The following TJP2 variants were observed in gnomAD, a reference collection of about 807,000 sequenced individuals.
TJP2 encodes the protein tight junction protein 2, also known as Friedreich ataxia region gene X104 (tight junction protein ZO-2).
In TJP2, 91 loss-of-function variants were observed where a neutral mutation model predicts 133.1. That is an observed-to-expected ratio of 0.68 (90% CI 0.58 to 0.81). TJP2 has a LOEUF of 0.81. Among genes scored for constraint, TJP2 ranks in the 40% least tolerant of loss-of-function variants. TJP2 has a pLI of 0.00. For synonymous variants in TJP2, 592 were observed against 583.4 expected, an observed-to-expected ratio of 1.01 and a Z score of -0.21; for missense variants, 1,541 against 1,565.6, an observed-to-expected ratio of 0.98 and a Z score of 0.26.
At chr9:69,218,395 G>A (rs1456237204) in intron 4 of TJP2, 36 bp downstream of exon 4, 1 of 1,577,130 alleles carries the variant, frequency 6.3e-7, no homozygotes, top group Middle Eastern at 1.7e-4. Context: ...TGCCTTAATA[G>A]CATTTTGGTT....
At chr9:69,142,374 C>G (rs992831396) in intron 1 of TJP2, among the ~76,000 whole-genome samples, 1 of 152,150 alleles carries the variant, frequency 6.6e-6, no homozygotes. Context: ...TTTGGTAATT[C>G]TTTTACATCA....
intron 5 of TJP2, among the ~76,000 whole-genome samples, chr9:69,223,836 T>C (rs1232751141): frequency 6.6e-6 from 1 of 152,250 alleles, no homozygotes; most frequent in Non-Finnish European, 1.5e-5. Context: ...TGTGGTAAGA[T>C]CTGGCTGACA....
At position 69,208,714 on chromosome 9, in the gene TJP2, T is replaced by G. The variant is rs74963011; in HGVS notation, c.61-3834T>G. On this transcript the variant is annotated intron_variant, in intron 1 of 22. Coordinates refer to ENST00000377245, the MANE Select transcript of TJP2 (RefSeq NM_004817.4). ...ACAGCTCCTTGGGATATTCAACATTTTTTTGGTATGTAGCATTGCCCAATC... is the reference window on the plus strand; with the variant it reads ...ACAGCTCCTTGGGATATTCAACATTGTTTTGGTATGTAGCATTGCCCAATC... 9.7e-3 allele frequency among the ~76,000 whole-genome samples: 1,485 copies of G among 152,316 alleles called. 13 individuals are homozygous for G. The highest frequency in any genetic ancestry group is 0.034 in the African/African-American group (1,406 of 41,564).
chr9:69,156,919 A>T (rs545361017), intron 2 of TJP2, among the ~76,000 whole-genome samples: 74 of 152,088 alleles, frequency 4.9e-4, no homozygotes, highest in Non-Finnish European at 3.7e-4. Flanking sequence ...CTCTAGGGGT[A>T]CCTAGGGGCT....
upstream of TJP2, among the ~76,000 whole-genome samples, chr9:69,171,159 T>C (rs958203841): frequency 2.6e-5 from 4 of 152,324 alleles, no homozygotes; most frequent in Non-Finnish European, 5.9e-5. Context: ...TCATCTCCTT[T>C]AAGTAAGCCA....
At chr9:69,136,532 A>T (rs1455066848) in intron 1 of TJP2, among the ~76,000 whole-genome samples, 1 of 152,344 alleles carries the variant, frequency 6.6e-6, no homozygotes, top group Non-Finnish European at 1.5e-5. Context: ...TATGTAAAAA[A>T]GTTTTTTTTT....
chr9:69,150,381 C>T (rs1018290462), intron 1 of TJP2, among the ~76,000 whole-genome samples: 4 of 150,808 alleles, frequency 2.7e-5, no homozygotes, highest in African/African-American at 9.8e-5. Context: ...GCAACCTCTG[C>T]CTCCTGGGTT....
rs577034303 is a variant in TJP2, at chr9:69,128,285, G to T, written c.-131+6560G>T. Among the ~76,000 whole-genome samples, 2 of 75,690 alleles carry T rather than the reference G, an allele frequency of 2.6e-5. 1 individual carries two copies. Among genetic ancestry groups the T allele is most frequent in the African/African-American group, 8.1e-5 (2 of 24,780 alleles). The allele number at this position is 75,690 out of a possible 152,430, so 49.7% of individuals were successfully genotyped here. Reference sequence around the variant, plus strand: ...CATACCTAGAAGTGGAAAATATATGGTAACTCCATATTTAATATTTTCAGG... The same window carrying T: ...CATACCTAGAAGTGGAAAATATATGTTAACTCCATATTTAATATTTTCAGG... On this transcript the variant is annotated intron_variant, in intron 1 of 5. Transcript: ENST00000423935.
rs113097850 is a variant in TJP2 at position 69,137,245 on chromosome 9, C to T, written c.-130-14406C>T. The stretch of plus-strand genomic sequence containing the variant: ...TCTTTCCTTCTTTCTTTCTTTCTCT[C>T]TCTCTTTCTTTCTTTCTTTCTTTCT... On this transcript the variant is annotated intron_variant, in intron 1 of 5. Coordinates refer to the TJP2 transcript ENST00000423935. Among the ~76,000 whole-genome samples, 103 of 30,614 alleles carry T rather than the reference C, an allele frequency of 3.4e-3. No homozygotes were observed. The South Asian group carries it at 0.11, about 32-fold the overall frequency. The allele number at this position is 30,614 out of a possible 152,430, so 20.1% of individuals were successfully genotyped here. A position where few individuals can be genotyped will look rare whatever the true frequency, so the allele number is the denominator to read the frequency against.
chr9:69,225,245 G>T, intron 5 of TJP2, 59 bp from the exon 6 acceptor site: 1 of 1,133,670 alleles, frequency 8.8e-7, no homozygotes, highest in South Asian at 1.3e-5. Flanking sequence ...CTATAAACCA[G>T]ACTAAGTTTT....
Position 69,236,196 on chromosome 9 carries a change from T to G in TJP2, c.1949T>G (p.Ile650Ser), listed in dbSNP as rs761048023. The change falls in exon 13 of 23, where the codon ATT becomes AGT. Residue 650 changes from isoleucine to serine, a missense_variant. Coordinates refer to ENST00000377245, the MANE Select transcript of TJP2 (RefSeq NM_004817.4). The part of the protein sequence containing the change: ...GKLGNWLAVR[I>S]GNELEKGLIP... ...CTGGGCAACTGGCTGGCTGTGAGGA[T>G]TGGGAACGAGTTGGAGAAAGGCTTA... 1.9e-6 allele frequency: 3 copies of G among 1,613,988 alleles called. No individual in the cohort carries two copies. The South Asian group carries it at 3.3e-5, about 18-fold the overall frequency.
intron 1 of TJP2, among the ~76,000 whole-genome samples, chr9:69,136,444 T>C (rs1177653083): frequency 6.6e-6 from 1 of 152,200 alleles, no homozygotes; most frequent in Non-Finnish European, 1.5e-5. Context: ...GACAATAACT[T>C]CAATGATGGT....
In TJP2 at chr9:69,221,441, T is replaced by A. The variant is rs1563926830; in HGVS notation, c.897T>A (p.Pro299=). The A allele has an allele frequency of 6.3e-7, 1 of 1,594,494 alleles. No individual in the cohort carries two copies. Among genetic ancestry groups the A allele is most frequent in the Middle Eastern group, 1.7e-4 (1 of 6,036 alleles). Residue 299 remains proline (P), a synonymous_variant, in exon 5 of 23, where the codon CCT becomes CCA. Transcript: ENST00000377245. ...HPHSRSPSPE[P]RGRPGPIGVL... ...ACTCACGGAGCCCCAGCCCCGAGCC[T>A]AGGGGGCGGCCGGGGCCCATCGGGG...
intron 17 of TJP2, among the ~76,000 whole-genome samples, chr9:69,243,063 C>A (rs1289794416): frequency 1.3e-5 from 2 of 152,060 alleles, no homozygotes; most frequent in African/African-American, 2.4e-5. Flanking sequence ...AGGGTTTACC[C>A]ATGTTGCCCA....
chr9:69,206,893 T>A (rs1266619166), intron 1 of TJP2, among the ~76,000 whole-genome samples: 2 of 152,234 alleles, frequency 1.3e-5, no homozygotes, highest in Non-Finnish European at 2.9e-5. Context: ...CCCTATTTTT[T>A]AAACTTATGA....
chr9:69,123,029 G>T (rs1309005492), intron 1 of TJP2, among the ~76,000 whole-genome samples: 1 of 152,128 alleles, frequency 6.6e-6, no homozygotes, highest in Non-Finnish European at 1.5e-5. Flanking sequence ...TGAAATGCAG[G>T]ATCTCAGGCC....
intron 19 of TJP2, 123 bp from the exon 20 acceptor site, chr9:69,249,252 G>C (rs751642479): frequency 6.6e-7 from 1 of 1,517,790 alleles, no homozygotes; most frequent in Non-Finnish European, 8.9e-7. Flanking sequence ...CAGTAAAGAA[G>C]CACCGGCTCA....
At chr9:69,138,646 G>A (rs529421209) in intron 1 of TJP2, among the ~76,000 whole-genome samples, 1 of 152,182 alleles carries the variant, frequency 6.6e-6, no homozygotes, top group South Asian at 2.1e-4. Context: ...GGCTGGGCAT[G>A]GTGGCTTACA....
At chr9:69,230,559 C>G (rs1829696219) in intron 11 of TJP2, among the ~76,000 whole-genome samples, 2 of 152,262 alleles carry the variant, frequency 1.3e-5, no homozygotes, top group South Asian at 4.1e-4. Flanking sequence ...CTGATTTTTG[C>G]TTTTTTCACT....
Sources: allele counts gnomAD v4.1 joint callset (sites outside exome capture counted in the v4.1 genomes callset), GRCh38; gene constraint gnomAD v4.1.1; transcripts MANE v1.5; gene names NCBI Gene and HGNC (gene_info 2026-07-23, HGNC 2026-07-21).